The following HERC2 variants were observed in gnomAD, a reference collection of about 807,000 sequenced individuals.
HERC2 encodes E3 ubiquitin-protein ligase HERC2.
HERC2 carries 102 observed loss-of-function variants against 537.7 expected under a neutral mutation model. The ratio of observed to expected loss-of-function variants is 0.19; its 90% CI spans 0.16 to 0.22. The LOEUF (loss-of-function observed/expected upper bound fraction) is 0.22, where lower values mean the gene tolerates loss of function less well. Ranked by LOEUF, HERC2 falls within the 10% of genes least tolerant of loss-of-function variation. HERC2 has a pLI of 1.00. For missense variants in HERC2, 4,236 were observed against 6,198.2 expected, an observed-to-expected ratio of 0.68 and a Z score of 10.63; for synonymous variants, 2,224 against 2,466.2, an observed-to-expected ratio of 0.90 and a Z score of 2.91.
chr15:28,191,746 T>C (rs1181767883), intron 53 of HERC2, among the ~76,000 whole-genome samples: 1 of 152,226 alleles, frequency 6.6e-6, no homozygotes, highest in East Asian at 1.9e-4. Context: ...GTCAGTTAGA[T>C]AAAATCTATT....
intron 37 of HERC2, among the ~76,000 whole-genome samples, chr15:28,220,046 G>C (rs1900354742): frequency 6.6e-6 from 1 of 152,134 alleles, no homozygotes; most frequent in Non-Finnish European, 1.5e-5. Context: ...GGTGTGCTTG[G>C]GCAGGGGCTC....
At chr15:28,317,626 T>A (rs1241954252) in intron 2 of HERC2, among the ~76,000 whole-genome samples, 1 of 152,138 alleles carries the variant, frequency 6.6e-6, no homozygotes, top group Admixed American at 6.5e-5. Context: ...GAGAACAGAT[T>A]AGTGGTTGTC....
chr15:28,321,904 C>T (rs1461496350), intron 1 of HERC2, among the ~76,000 whole-genome samples, 171 bp downstream of exon 1: 1 of 143,766 alleles, frequency 7.0e-6, no homozygotes. Context: ...GAAAAACCCA[C>T]AGCCACCACC....
At position 28,124,149 on chromosome 15, in the gene HERC2, A is replaced by T; in HGVS notation, c.13076T>A (p.Leu4359His). Reference sequence around the variant, plus strand: ...GAACATGGGGATGCAGGGGCAGAAGAGCTCGGAGAGGTGGTGCAGCAGCAG... The same window carrying T: ...GAACATGGGGATGCAGGGGCAGAAGTGCTCGGAGAGGTGGTGCAGCAGCAG... ...RLLLLHHLSE[L>H]FCPCIPMFDL... The change falls in exon 85 of 93, where the codon CTC becomes CAC. Residue 4359 changes from leucine to histidine, a missense_variant. Physicochemically the swap from Leu to His is moderately conservative, Grantham distance 99. This residue lies in a region of HERC2 where 189 missense variants were observed against 255.7 expected (regional missense o/e 0.74). Transcript: ENST00000261609. The T allele has an allele frequency of 6.3e-7, 1 of 1,593,428 alleles. No individual in the cohort carries two copies. Among genetic ancestry groups the T allele is most frequent in the Non-Finnish European group, 8.5e-7 (1 of 1,169,874 alleles).
chr15:28,311,502 T>C (rs1256009306), intron 2 of HERC2, among the ~76,000 whole-genome samples: 1 of 151,464 alleles, frequency 6.6e-6, no homozygotes, highest in East Asian at 1.9e-4. Context: ...ATCACGTAAG[T>C]TAAATCAAAT....
chr15:28,257,138 C>T lies in HERC2; in HGVS notation c.2440G>A (p.Asp814Asn). The T allele has an allele frequency of 1.2e-6, 2 of 1,613,856 alleles. No homozygotes were observed. The highest frequency in any genetic ancestry group is 2.2e-5 in the South Asian group (2 of 91,068). ...LLLRQVSEGM[D>N]GSADWPPPQE... is the part of the protein sequence containing the mutation. ...GGCGGGGGCCAGTCCGCGGAACCAT[C>T]CATCCCCTCACTCACCTGCCGAAGC... The change falls in exon 17 of 93, where the codon GAT becomes AAT. Residue 814 changes from aspartate (D) to asparagine (N), a missense_variant. Physicochemically the swap from Asp to Asn is conservative, Grantham distance 23. Around this residue, in one of 27 missense-constraint regions of HERC2, gnomAD observed 754 missense variants for 1,085.0 expected, o/e 0.69. Transcript: ENST00000261609.
intron 2 of HERC2, among the ~76,000 whole-genome samples, chr15:28,316,596 C>T (rs1302058499): frequency 6.6e-6 from 1 of 152,124 alleles, no homozygotes; most frequent in Non-Finnish European, 1.5e-5. Context: ...ATTGAGGCAC[C>T]AGTATTTGGA....
At position 28,169,595 on chromosome 15, in the gene HERC2, G is replaced by C; in HGVS notation, c.10118C>G (p.Ser3373Cys). 2 of 1,614,056 alleles carry C rather than the reference G, an allele frequency of 1.2e-6. No individual in the cohort carries two copies. The highest frequency in any genetic ancestry group is 8.5e-7 in the Non-Finnish European group (1 of 1,179,982). ...GGCAAGAGAAGGGCGATTTGGCTTAGAATTACTTGCACCACTTATTTTATT... is the reference window on the plus strand; with the variant it reads ...GGCAAGAGAAGGGCGATTTGGCTTACAATTACTTGCACCACTTATTTTATT... ...ASNKISGASN[S>C]KPNRPSLAKI... Residue 3373 changes from serine (S) to cysteine (C), a missense_variant, in exon 66 of 93, where the codon TCT (serine) becomes TGT (cysteine). Around this residue, in one of 27 missense-constraint regions of HERC2, gnomAD observed 356 missense variants for 450.9 expected, o/e 0.79. Transcript: ENST00000261609.
intron 4 of HERC2, among the ~76,000 whole-genome samples, chr15:28,283,545 G>A (rs1175772443): frequency 6.6e-6 from 1 of 152,164 alleles, no homozygotes; most frequent in Non-Finnish European, 1.5e-5. Flanking sequence ...CCAAAAGAAA[G>A]GCTAATGGAA....
Position 28,141,545 on chromosome 15 carries a change from T to C in HERC2, c.11902A>G (p.Ile3968Val). Residue 3968 changes from isoleucine (I) to valine (V), a missense_variant, in exon 78 of 93, where the codon ATT becomes GTT. Ile to Val is a conservative substitution (Grantham distance 29). Around this residue, in one of 27 missense-constraint regions of HERC2, gnomAD observed 156 missense variants for 172.3 expected, o/e 0.91. Transcript: ENST00000261609. Reference protein sequence around the residue: ...GHNHRGQLGGIEGAKVKVPTP... With the variant: ...GHNHRGQLGGVEGAKVKVPTP... ...GGAACTTTGACTTTTGCGCCTTCAA[T>C]GCCCCCGAGCTGGCCCCTGTGATTA... is the stretch of plus-strand genomic sequence containing the variant. 2 of 1,614,154 alleles carry C rather than the reference T, an allele frequency of 1.2e-6. No homozygotes were observed. Among genetic ancestry groups the C allele is most frequent in the South Asian group, 1.1e-5 (1 of 91,082 alleles).
chr15:28,270,750 T>C lies in HERC2; in HGVS notation c.1202A>G (p.Asp401Gly). 2 of 1,613,768 alleles carry C rather than the reference T, an allele frequency of 1.2e-6. No individual in the cohort carries two copies. The highest frequency in any genetic ancestry group is 1.7e-6 in the Non-Finnish European group (2 of 1,179,848). The change falls in exon 10 of 93, where the codon GAC becomes GGC. Residue 401 changes from aspartate to glycine, a missense_variant. Coordinates refer to ENST00000261609, the MANE Select transcript of HERC2 (RefSeq NM_004667.6). Reference sequence around the variant, plus strand: ...AGGCATACAGGGCGTAGCCAGACGGTCTAAATGGGCCATGACAACAACCGC... The same window carrying C: ...AGGCATACAGGGCGTAGCCAGACGGCCTAAATGGGCCATGACAACAACCGC... ...QTAVVVMAHL[D>G]RLATPCMPPL...
rs1472211083 is a variant in HERC2, at chr15:28,125,121, G to C, written c.12875C>G (p.Pro4292Arg). The part of the protein sequence containing the change: ...GDGTTNAIQR[P>R]RLVAALQGKK... ...ACCCTGAAGGGCAGCTACCAACCGA[G>C]GCCTCTGGATGGCATTGGTGGTTCC... Residue 4292 changes from proline (P) to arginine (R), a missense_variant, in exon 84 of 93, where the codon CCT becomes CGT. Physicochemically the swap from Pro to Arg is moderately radical, Grantham distance 103 (BLOSUM62 -2). This residue lies in a region of HERC2 where 189 missense variants were observed against 255.7 expected (regional missense o/e 0.74). Transcript: ENST00000261609. The C allele has an allele frequency of 1.2e-6, 2 of 1,614,108 alleles. No homozygotes were observed. The highest frequency in any genetic ancestry group is 1.7e-6 in the Non-Finnish European group (2 of 1,179,934).
Position 28,254,430 on chromosome 15 carries a change from G to A in HERC2, c.2960C>T (p.Pro987Leu). Reference sequence around the variant, plus strand: ...CGTATTAATAAGGTCTTTATCCAGTGGAGTCCTGCTTCTATGAAATGTTGA... The same window carrying A: ...CGTATTAATAAGGTCTTTATCCAGTAGAGTCCTGCTTCTATGAAATGTTGA... Reference protein sequence around the residue: ...NASTFHRSRTPLDKDLINTGI... With the variant: ...NASTFHRSRTLLDKDLINTGI... Residue 987 changes from proline to leucine, a missense_variant, in exon 20 of 93, where the codon CCA becomes CTA. Physicochemically the swap from Pro to Leu is moderately conservative, Grantham distance 98. Coordinates refer to ENST00000261609, the MANE Select transcript of HERC2 (RefSeq NM_004667.6). 1 of 1,608,386 alleles carries A rather than the reference G, an allele frequency of 6.2e-7. No homozygotes were observed.
intron 5 of HERC2, among the ~76,000 whole-genome samples, chr15:28,278,541 G>T (rs947013145): frequency 1.3e-5 from 2 of 151,878 alleles, no homozygotes; most frequent in Non-Finnish European, 2.9e-5. Flanking sequence ...ATAGTTGGTT[G>T]AATCTGTGGA....
intron 4 of HERC2, among the ~76,000 whole-genome samples, chr15:28,282,622 G>A (rs767927461): frequency 6.6e-6 from 1 of 152,184 alleles, no homozygotes; most frequent in African/African-American, 2.4e-5. Flanking sequence ...TATCCAATGT[G>A]AATAACACAG....
chr15:28,139,405 T>C (rs946410343), intron 78 of HERC2, among the ~76,000 whole-genome samples: 9 of 152,050 alleles, frequency 5.9e-5, no homozygotes, highest in Non-Finnish European at 1.3e-4. Flanking sequence ...AAGGGCTGAG[T>C]GAGGGGAGGC....
chr15:28,270,979 A>T (rs1219049034), intron 9 of HERC2, 111 bp from the exon 10 acceptor site: 1 of 819,816 alleles, frequency 1.2e-6, no homozygotes, highest in Admixed American at 2.3e-5. Flanking sequence ...TGACCCATCA[A>T]ATGACAATGT....
chr15:28,172,196 C>T lies in HERC2; in HGVS notation c.10057+2199G>A, dbSNP rs1156850303. Reference sequence around the variant, plus strand: ...GTTAGAAGACTGAATACTGTGAATCCATCCTTTCCACATTGACTTACAGAA... The same window carrying T: ...GTTAGAAGACTGAATACTGTGAATCTATCCTTTCCACATTGACTTACAGAA... On this transcript the variant is annotated intron_variant, in intron 65 of 92. Transcript: ENST00000261609. Among the ~76,000 whole-genome samples, 23 of 151,986 alleles carry T rather than the reference C, an allele frequency of 1.5e-4. 1 individual carries two copies. The highest frequency in any genetic ancestry group is 1.5e-3 in the Admixed American group (23 of 15,280).
chr15:28,163,595 G>A (rs1893834018), intron 68 of HERC2, among the ~76,000 whole-genome samples: 1 of 152,180 alleles, frequency 6.6e-6, no homozygotes, highest in African/African-American at 2.4e-5. Context: ...GATACTACAG[G>A]GGGAGTTTTG....
Sources: gnomAD v4.1 joint callset for allele counts (sites outside exome capture counted in the v4.1 genomes callset) on GRCh38, gnomAD v4.1.1 for gene constraint, gnomAD v4.1.1 regional missense constraint, MANE v1.5 for transcripts, NCBI Gene and HGNC (gene_info 2026-07-23, HGNC 2026-07-21) for gene names.